The following ABITRAM variants were observed in gnomAD, a reference collection of about 807,000 sequenced individuals.
ABITRAM encodes actin binding transcription modulator.
ABITRAM carries 19 observed loss-of-function variants against 22.9 expected under a neutral mutation model. That is an observed-to-expected ratio of 0.83 (90% CI 0.58 to 1.22). ABITRAM has a LOEUF of 1.22. ABITRAM is among the 50% of genes most tolerant of loss of function. The pLI, the probability that ABITRAM is intolerant of heterozygous loss-of-function variation, is 0.00. For synonymous variants in ABITRAM, 70 were observed against 73.9 expected (o/e 0.95, Z 0.27); for missense variants, 215 against 220.2 (o/e 0.98, Z 0.15).
exon 4 of ABITRAM, chr9:108,950,536 C>T (rs897314569): frequency 4.6e-5 from 72 of 1,550,252 alleles, no homozygotes; most frequent in Non-Finnish European, 5.5e-5. Flanking sequence ...AGGTAGAAGA[C>T]GTCATCAAGA....
chr9:108,945,931 C>T (rs1830391881), downstream of ABITRAM, among the ~76,000 whole-genome samples: 1 of 152,148 alleles, frequency 6.6e-6, no homozygotes, highest in Non-Finnish European at 1.5e-5. Context: ...ATCTAGTGTT[C>T]TCCCTCAGTG....
chr9:108,944,131 A>G (rs1745116504), downstream of ABITRAM: 1 of 1,064,166 alleles, frequency 9.4e-7, no homozygotes, highest in Non-Finnish European at 1.3e-6. Flanking sequence ...CCTAGATATA[A>G]AAAGTCTGTC....
chr9:108,942,587 C>T, downstream of ABITRAM: 2 of 565,828 alleles, frequency 3.5e-6, no homozygotes, highest in South Asian at 2.5e-5. Flanking sequence ...TAGCAATTAC[C>T]AAGACATTTA....
intron 3 of ABITRAM, among the ~76,000 whole-genome samples, chr9:108,938,027 T>A (rs1461676868): frequency 2.7e-5 from 4 of 149,614 alleles, no homozygotes; most frequent in Non-Finnish European, 4.4e-5. Flanking sequence ...GTAACACTCC[T>A]GTTACAAGTG....
chr9:108,942,423 A>G (rs1012001647), downstream of ABITRAM: 7 of 279,308 alleles, frequency 2.5e-5, no homozygotes, highest in South Asian at 4.2e-4. Flanking sequence ...ATGATAAAGA[A>G]AACAGTTAAG....
chr9:108,935,583 CAT>C, intron 1 of ABITRAM, 53 bp from the exon 2 acceptor site: 1 of 1,374,266 alleles, frequency 7.3e-7, no homozygotes, highest in Non-Finnish European at 1.0e-6. Context: ...GAAAGTACCA[CAT>C]AGTGGTAGTA....
intron 3 of ABITRAM, chr9:108,950,420 G>A: frequency 1.4e-6 from 2 of 1,401,618 alleles, no homozygotes; most frequent in African/African-American, 1.4e-5. Context: ...GGTCTCCAAT[G>A]ATGGAAAATA....
chr9:108,944,158 T>C, downstream of ABITRAM: 1 of 773,830 alleles, frequency 1.3e-6, no homozygotes. Context: ...TCCTAAACTT[T>C]TTCCAGTACC....
At chr9:108,936,570 G>A in intron 3 of ABITRAM, 133 bp downstream of exon 3, 1 of 983,472 alleles carries the variant, frequency 1.0e-6, no homozygotes, top group South Asian at 1.9e-5. Flanking sequence ...CTAATTTTAG[G>A]TATACTTTCA....
downstream of ABITRAM, among the ~76,000 whole-genome samples, chr9:108,945,639 T>G (rs549683545): frequency 8.9e-3 from 1,340 of 151,034 alleles, 25 homozygotes; most frequent in South Asian, 0.023. Context: ...TTTTTTTTTT[T>G]TTTGTTTTGT....
chr9:108,938,904 C>T (rs1312179145), intron 3 of ABITRAM, among the ~76,000 whole-genome samples: 12 of 152,018 alleles, frequency 7.9e-5, no homozygotes, highest in South Asian at 6.2e-4. Flanking sequence ...AATCTTTATA[C>T]CTGGTTATAT....
At chr9:108,949,316 G>A (rs1023552767) in intron 3 of ABITRAM, among the ~76,000 whole-genome samples, 1 of 152,082 alleles carries the variant, frequency 6.6e-6, no homozygotes, top group Admixed American at 6.6e-5. Context: ...AGTGTCCATG[G>A]GATACTCTAC....
In ABITRAM at chr9:108,939,414, A is replaced by G; in HGVS notation, c.368A>G (p.Asn123Ser). The change falls in exon 5 of 6, where the codon AAT becomes AGT. Residue 123 changes from asparagine to serine, a missense_variant. Coordinates refer to ENST00000322940, the MANE Select transcript of ABITRAM (RefSeq NM_017832.4). The stretch of plus-strand genomic sequence containing the variant: ...GTTAGAGGACGTTTGATGGAAGTGA[A>G]TGAAAACATCCTCCATAAGCCATCT... Reference protein sequence around the residue: ...SCVRGRLMEVNENILHKPSIL... With the variant: ...SCVRGRLMEVSENILHKPSIL... 1.2e-6 allele frequency: 2 copies of G among 1,611,514 alleles called. No homozygotes were observed. Among genetic ancestry groups the G allele is most frequent in the Non-Finnish European group, 1.7e-6 (2 of 1,179,352 alleles).
At chr9:108,936,876 A>C (rs10979616) in intron 3 of ABITRAM, among the ~76,000 whole-genome samples, 8,019 of 152,198 alleles carry the variant, frequency 0.053, 322 homozygotes, top group East Asian at 0.12. Flanking sequence ...AAAAAGAAAA[A>C]CATGGGCCGG....
chr9:108,950,092 A>T (rs1338947119), intron 3 of ABITRAM, among the ~76,000 whole-genome samples: 1 of 152,056 alleles, frequency 6.6e-6, no homozygotes, highest in East Asian at 1.9e-4. Context: ...TTTACATATC[A>T]AACTATATTC....
In ABITRAM at chr9:108,934,428, GC is replaced by G; in HGVS notation, c.-58del. The G allele has an allele frequency of 6.8e-7, 1 of 1,479,692 alleles. No homozygotes were observed. Among genetic ancestry groups the G allele is most frequent in the Non-Finnish European group, 9.1e-7 (1 of 1,094,332 alleles). 91.7% of individuals were successfully genotyped at this position (1,479,692 alleles called of 1,614,324 possible). ...CGCCGGAAGAGCACGCCCAGTCCGG[GC>G]TGCGCGGAGGAAGCGCTGGGGTCCC... On this transcript the variant is annotated 5_prime_UTR_variant, in exon 1 of 6. Transcript: ENST00000322940.
chr9:108,948,429 TCC>T (rs1421506643), intron 3 of ABITRAM, among the ~76,000 whole-genome samples: 1 of 152,160 alleles, frequency 6.6e-6, no homozygotes, highest in African/African-American at 2.4e-5. Context: ...AAGATATTTT[TCC>T]CCAAGTAAAC....
chr9:108,934,590 C>G, intron 1 of ABITRAM, 25 bp downstream of exon 1: 1 of 1,585,916 alleles, frequency 6.3e-7, no homozygotes, highest in Non-Finnish European at 8.6e-7. Flanking sequence ...ATGTTGATCC[C>G]TCCTTGGCCG....
downstream of ABITRAM, among the ~76,000 whole-genome samples, chr9:108,944,607 T>A (rs1216452103): frequency 1.3e-5 from 2 of 152,140 alleles, no homozygotes; most frequent in Admixed American, 1.3e-4. Flanking sequence ...AAAAAGAAGG[T>A]TGTACAGGTA....
Sources: gnomAD v4.1 joint callset for allele counts (sites outside exome capture counted in the v4.1 genomes callset) on GRCh38, gnomAD v4.1.1 for gene constraint, MANE v1.5 for transcripts, NCBI Gene and HGNC (gene_info 2026-07-23, HGNC 2026-07-21) for gene names.